Variants in PAM observed in about 807,000 individuals in gnomAD.
The protein encoded by PAM is peptidyl-glycine alpha-amidating monooxygenase.
A neutral mutation model predicts 122.1 loss-of-function variants in PAM; 72 were observed. The observed-to-expected ratio is 0.59, with a 90% CI of 0.49 to 0.72. The LOEUF (loss-of-function observed/expected upper bound fraction) is 0.72. PAM is among the 30% of genes least tolerant of loss of function. The pLI is 0.00. For synonymous variants in PAM, 389 were observed against 404.4 expected (o/e 0.96, Z 0.46); for missense variants, 1,106 against 1,183.7 (o/e 0.93, Z 0.96).
chr5:102,970,501 A>G (rs1025319704), intron 14 of PAM, among the ~76,000 whole-genome samples: 1 of 152,166 alleles, frequency 6.6e-6, no homozygotes, highest in Admixed American at 6.5e-5. Context: ...CTCCACAACA[A>G]CTCAAGCCCT....
intron 21 of PAM, 68 bp downstream of exon 21, chr5:103,009,934 C>A: frequency 1.3e-6 from 1 of 776,918 alleles, no homozygotes; most frequent in Non-Finnish European, 2.0e-6. Flanking sequence ...TCTTGGCATT[C>A]AATCTGTACT....
At chr5:103,011,684 T>A (rs182116022) in intron 21 of PAM, among the ~76,000 whole-genome samples, 9 of 152,326 alleles carry the variant, frequency 5.9e-5, no homozygotes, top group South Asian at 4.1e-4. Flanking sequence ...CTTAGGTTGC[T>A]TCCAAATCTT....
intron 15 of PAM, among the ~76,000 whole-genome samples, chr5:102,979,702 GC>G (rs1769085294): frequency 6.6e-6 from 1 of 151,978 alleles, no homozygotes; most frequent in Non-Finnish European, 1.5e-5. Context: ...TCATGTGAAT[GC>G]AACAGTGATC....
chr5:102,814,577 T>A (rs551220670), intron 1 of PAM, among the ~76,000 whole-genome samples: 3 of 146,038 alleles, frequency 2.1e-5, no homozygotes, highest in Admixed American at 6.8e-5. Flanking sequence ...ATACATATAT[T>A]GATATATACA....
chr5:102,957,947 C>G (rs571407249), intron 12 of PAM, among the ~76,000 whole-genome samples: 1 of 152,254 alleles, frequency 6.6e-6, no homozygotes, highest in Non-Finnish European at 1.5e-5. Context: ...AGAATTCCCT[C>G]TCTAAGTATT....
chr5:102,965,096 A>G lies in PAM; in HGVS notation c.1162+3867A>G, dbSNP rs79184485. Among the ~76,000 whole-genome samples, 914 of 151,238 alleles carry G rather than the reference A, an allele frequency of 6.0e-3. 6 individuals are homozygous for G. The highest frequency in any genetic ancestry group is 0.021 in the African/African-American group (873 of 41,330). ...AGACTCAATTAGGCAGTGATTCTGC[A>G]TGGAGGAAATGAATCCTAGGAGACT... On this transcript the variant is annotated intron_variant, in intron 14 of 25. Transcript: ENST00000438793.
chr5:102,945,783 A>AT (rs5870037), intron 7 of PAM, among the ~76,000 whole-genome samples: 53,505 of 151,866 alleles, frequency 0.35, 9,800 homozygotes, highest in African/African-American at 0.45. Context: ...CTGAGTACTG[A>AT]TTTGTTTTTT....
chr5:102,756,213 C>A (rs1340238046), intron 1 of PAM, among the ~76,000 whole-genome samples: 2 of 152,164 alleles, frequency 1.3e-5, no homozygotes, highest in African/African-American at 4.8e-5. Context: ...GTCCTGTGTT[C>A]TGATCGTCTG....
At chr5:102,930,769 G>A in intron 7 of PAM, among the ~76,000 whole-genome samples, 1 of 152,170 alleles carries the variant, frequency 6.6e-6, no homozygotes, top group East Asian at 1.9e-4. Flanking sequence ...GGCTGTAGGT[G>A]GCCAGAGTGA....
At chr5:102,845,056 G>T (rs1779628701) in intron 1 of PAM, among the ~76,000 whole-genome samples, 1 of 152,246 alleles carries the variant, frequency 6.6e-6, no homozygotes, top group Non-Finnish European at 1.5e-5. Flanking sequence ...ATAAAATACA[G>T]TTCCTCGTTC....
At chr5:102,909,182 CAGTCTT>C (rs1406806846) in intron 4 of PAM, among the ~76,000 whole-genome samples, 5 of 151,482 alleles carry the variant, frequency 3.3e-5, no homozygotes, top group Non-Finnish European at 5.9e-5. Context: ...AAAATACAAA[CAGTCTT>C]AGAATACTGA....
intron 1 of PAM, among the ~76,000 whole-genome samples, chr5:102,804,606 C>G (rs1765728263): frequency 6.6e-6 from 1 of 152,224 alleles, no homozygotes; most frequent in African/African-American, 2.4e-5. Context: ...TGTCACTTTT[C>G]AGTCCTTGGA....
At chr5:102,963,088 CCA>C (rs1405374304) in intron 14 of PAM, among the ~76,000 whole-genome samples, 15 of 151,782 alleles carry the variant, frequency 9.9e-5, no homozygotes, top group African/African-American at 3.6e-4. Context: ...ATTAGTGGGC[CCA>C]TTAAAATGTC....
intron 1 of PAM, among the ~76,000 whole-genome samples, chr5:102,818,196 TC>T (rs35050143): frequency 0.6 from 91,463 of 151,428 alleles, 28,060 homozygotes; most frequent in South Asian, 0.77. Context: ...TTTCTGCTTT[TC>T]CCCACCAGAA....
intron 1 of PAM, among the ~76,000 whole-genome samples, chr5:102,763,425 C>A (rs922026052): frequency 6.6e-6 from 1 of 152,040 alleles, no homozygotes; most frequent in Non-Finnish European, 1.5e-5. Flanking sequence ...GCAAAAAATT[C>A]CTGGTCTGCA....
At chr5:102,887,497 G>A (rs1793499986) in intron 3 of PAM, among the ~76,000 whole-genome samples, 1 of 151,818 alleles carries the variant, frequency 6.6e-6, no homozygotes, top group African/African-American at 2.4e-5. Context: ...AACACAAAAT[G>A]GACTAAGACA....
intron 16 of PAM, among the ~76,000 whole-genome samples, chr5:102,999,907 A>G (rs1473083511): frequency 6.6e-6 from 1 of 152,188 alleles, no homozygotes; most frequent in African/African-American, 2.4e-5. Flanking sequence ...AAGACCTCTC[A>G]TATGCCCTGG....
intron 1 of PAM, among the ~76,000 whole-genome samples, chr5:102,788,950 T>C (rs1226295355): frequency 2.6e-5 from 4 of 152,154 alleles, no homozygotes; most frequent in South Asian, 4.1e-4. Flanking sequence ...CAGTGCTCTG[T>C]TGGTTGACAC....
At chr5:102,948,557 G>A in intron 9 of PAM, 112 bp downstream of exon 9, 1 of 609,966 alleles carries the variant, frequency 1.6e-6, no homozygotes, top group Non-Finnish European at 2.9e-6. Flanking sequence ...TTATGTCTTG[G>A]AAAAATGAAC....
Sources: gnomAD v4.1 joint callset for allele counts (sites outside exome capture counted in the v4.1 genomes callset) on GRCh38, gnomAD v4.1.1 for gene constraint, MANE v1.5 for transcripts, NCBI Gene and HGNC (gene_info 2026-07-23, HGNC 2026-07-21) for gene names.